PLCD1: variants seen among roughly 807,000 people sequenced by gnomAD.
PLCD1 encodes 1-phosphatidylinositol 4,5-bisphosphate phosphodiesterase delta-1.
In PLCD1, 71 loss-of-function variants were observed where a neutral mutation model predicts 87.4. The ratio of observed to expected loss-of-function variants is 0.81; its 90% confidence interval spans 0.67 to 0.99. The LOEUF is 0.99. PLCD1 is among the 50% of genes least tolerant of loss of function. The pLI, the probability that PLCD1 is intolerant of heterozygous loss-of-function variation, is 0.00. For synonymous variants in PLCD1, 348 were observed against 399.2 expected (o/e 0.87, Z 1.53); for missense variants, 867 against 1,001.5 (o/e 0.87, Z 1.81).
chr3:38,016,989 CAG>C (rs1419176332), intron 2 of PLCD1, among the ~76,000 whole-genome samples: 1 of 151,782 alleles, frequency 6.6e-6, no homozygotes, highest in African/African-American at 2.4e-5. Flanking sequence ...CAGGGAGAGA[CAG>C]AGAGTGAGAG....
chr3:38,016,020 T>A (rs60309739), intron 3 of PLCD1, among the ~76,000 whole-genome samples: 5,436 of 152,232 alleles, frequency 0.036, 139 homozygotes, highest in African/African-American at 0.075. Context: ...TTCATGTATC[T>A]TCCCTCCTTC....
intron 3 of PLCD1, among the ~76,000 whole-genome samples, chr3:38,015,251 AC>A (rs1461082030): frequency 1.3e-5 from 2 of 152,222 alleles, no homozygotes; most frequent in East Asian, 3.8e-4. Context: ...ATATTACTAG[AC>A]AATTGGAAGG....
intron 1 of PLCD1, chr3:38,024,872 C>T: frequency 2.2e-6 from 1 of 454,990 alleles, no homozygotes; most frequent in South Asian, 2.4e-5. Flanking sequence ...GGAGATGGGG[C>T]GAGAGTGGTG....
Position 38,025,520 on chromosome 3 carries a change from C to T in PLCD1, c.34+3986G>A, listed in dbSNP as rs1291733225. 6.6e-6 allele frequency among the ~76,000 whole-genome samples: 1 copy of T among 152,168 alleles called. No homozygotes were observed. The highest frequency in any genetic ancestry group is 1.9e-4 in the East Asian group (1 of 5,192). ...ATTGCGACTCAGCTTGCTGTTGCCT[C>T]ATTTGTGAACCTCAGGTGGGCCTGT... On this transcript the variant is annotated intron_variant, in intron 1 of 14. Transcript: ENST00000334661. The surrounding 1 kb of genome is among the most constrained non-coding windows in gnomAD (Gnocchi z 4.0).
chr3:38,009,597 C>T (rs1293116842), intron 9 of PLCD1, 56 bp downstream of exon 9: 20 of 1,604,488 alleles, frequency 1.2e-5, no homozygotes, highest in South Asian at 3.3e-5. Flanking sequence ...AGACCTCCCA[C>T]GGGTGAGGGG....
intron 3 of PLCD1, among the ~76,000 whole-genome samples, chr3:38,015,433 G>A (rs1700140819): frequency 6.6e-6 from 1 of 152,200 alleles, no homozygotes; most frequent in Non-Finnish European, 1.5e-5. Flanking sequence ...GGGGGTTGAG[G>A]TGAAATGGGG....
chr3:38,008,793 C>T, intron 11 of PLCD1, 157 bp from the exon 12 acceptor site: 1 of 723,870 alleles, frequency 1.4e-6, no homozygotes, highest in Admixed American at 2.1e-5. Context: ...CTCAGTGACC[C>T]ACCATGCTAA....
intron 1 of PLCD1, among the ~76,000 whole-genome samples, chr3:38,022,028 C>A (rs1018996497): frequency 6.6e-6 from 1 of 152,200 alleles, no homozygotes; most frequent in African/African-American, 2.4e-5. Flanking sequence ...CTAACATCCA[C>A]CCCCTATAGC....
chr3:38,015,941 C>T (rs767989438), intron 3 of PLCD1, among the ~76,000 whole-genome samples: 3 of 152,298 alleles, frequency 2.0e-5, no homozygotes, highest in Admixed American at 6.5e-5. Flanking sequence ...TGGTGACAGA[C>T]GGGGACACAG....
At chr3:38,024,263 G>A (rs1700275046) in intron 1 of PLCD1, 1 of 1,366,092 alleles carries the variant, frequency 7.3e-7, no homozygotes. Flanking sequence ...CGCGTTAAGG[G>A]ACAAGTGGTC....
intron 12 of PLCD1, 32 bp downstream of exon 12, chr3:38,008,426 G>A (rs748990917): frequency 4.3e-6 from 7 of 1,613,864 alleles, no homozygotes; most frequent in Non-Finnish European, 4.2e-6. Flanking sequence ...AGGGAGGTCC[G>A]TGGGCACCTG....
Position 38,016,692 on chromosome 3 carries a change from C to T in PLCD1, c.227G>A (p.Arg76Gln), listed in dbSNP as rs749725295. The change falls in exon 3 of 15, where the codon CGA becomes CAA. Residue 76 changes from arginine to glutamine, a missense_variant. Transcript: ENST00000334661. ...LFSIEDIQEV[R>Q]MGHRTEGLEK... ...CAGACCCTCCGTGCGGTGCCCCATT[C>T]GCACCTCCTGAATGTCCTCGATGGA... The T allele has an allele frequency of 3.8e-6, 6 of 1,566,784 alleles. No homozygotes were observed. The highest frequency in any genetic ancestry group is 1.4e-5 in the African/African-American group (1 of 73,970).
intron 1 of PLCD1, among the ~76,000 whole-genome samples, chr3:38,028,843 C>T (rs1172961945): frequency 6.6e-6 from 1 of 152,262 alleles, no homozygotes; most frequent in Non-Finnish European, 1.5e-5. Flanking sequence ...TTGGAGGAAA[C>T]AAAGCTCCGC....
intron 3 of PLCD1, among the ~76,000 whole-genome samples, 158 bp from the exon 4 acceptor site, chr3:38,011,831 T>TGTTACATCCC (rs57948844): frequency 2.6e-5 from 4 of 151,920 alleles, no homozygotes; most frequent in African/African-American, 9.7e-5. Context: ...CAGAGGAAAA[T>TGTTACATCCC]GTTAAGGGGT....
chr3:38,011,190 A>AC (rs1281027872), intron 5 of PLCD1, 24 bp downstream of exon 5: 19 of 1,560,490 alleles, frequency 1.2e-5, no homozygotes, highest in Non-Finnish European at 1.6e-5. Flanking sequence ...GACTGCAGGT[A>AC]GCAGGCCCTG....
intron 11 of PLCD1, 74 bp downstream of exon 11, chr3:38,008,968 T>TTCGAGGC: frequency 1.6e-6 from 2 of 1,256,036 alleles, no homozygotes; most frequent in Non-Finnish European, 2.3e-6. Flanking sequence ...CTGCATGGCC[T>TTCGAGGC]TCGAGGCTCC....
At position 38,008,822 on chromosome 3, in the gene PLCD1, G is replaced by C. The variant is rs73060833; in HGVS notation, c.1724-186C>G. ...ATGCTAACCACACCTTCCATTCCTG[G>C]TGTGAGAATTCAAAGGACTAGTGTG... On this transcript the variant is annotated intron_variant, in intron 11 of 14. Transcript: ENST00000334661. The C allele has an allele frequency of 0.042, 28,350 of 673,052 alleles. 701 individuals carry two copies. The highest frequency in any genetic ancestry group is 0.065 in the Middle Eastern group (161 of 2,480). The allele number at this position is 673,052 out of a possible 1,614,324, so 41.7% of individuals were successfully genotyped here.
intron 5 of PLCD1, 110 bp from the exon 6 acceptor site, chr3:38,010,672 G>T: frequency 1.2e-6 from 1 of 815,390 alleles, no homozygotes; most frequent in Non-Finnish European, 2.0e-6. Context: ...TGCCTGTCCT[G>T]AGCCAGTCTT....
chr3:38,021,252 T>C (rs988446604), intron 1 of PLCD1, among the ~76,000 whole-genome samples: 1 of 152,202 alleles, frequency 6.6e-6, no homozygotes, highest in East Asian at 1.9e-4. Flanking sequence ...GGGATGGCCC[T>C]GTCCTTCGCT....
Sources: gnomAD v4.1 joint callset for allele counts (sites outside exome capture counted in the v4.1 genomes callset) on GRCh38, gnomAD v4.1.1 for gene constraint, Gnocchi (gnomAD v3.1) non-coding constraint, MANE v1.5 for transcripts, NCBI Gene and HGNC (gene_info 2026-07-23, HGNC 2026-07-21) for gene names.